RO60: variants seen among roughly 807,000 people sequenced by gnomAD.
RO60 encodes RNA-binding protein RO60.
RO60 carries 20 observed loss-of-function variants against 55.3 expected under a neutral mutation model. The ratio of observed to expected loss-of-function variants is 0.36; its 90% CI spans 0.25 to 0.53. RO60 has a LOEUF of 0.53. Among genes scored for constraint, RO60 ranks in the 20% least tolerant of loss-of-function variants. The pLI is 0.92. For synonymous variants in RO60, 213 were observed against 213.6 expected, an observed-to-expected ratio of 1.00 and a Z score of 0.02; for missense variants, 558 against 646.6, an observed-to-expected ratio of 0.86 and a Z score of 1.49.
intron 1 of RO60, among the ~76,000 whole-genome samples, chr1:193,060,515 A>G (rs1457005936): frequency 1.3e-5 from 2 of 152,172 alleles, no homozygotes; most frequent in Admixed American, 6.5e-5. Flanking sequence ...GCTTCCAGAA[A>G]AAAAAAATGT....
At position 193,076,795 on chromosome 1, in the gene RO60, A is replaced by G; in HGVS notation, c.949-118A>G. On this transcript the variant is annotated intron_variant, in intron 4 of 8. Transcript: ENST00000400968. ...TGGCTCTTAAGTGTAAGTTTAATAC[A>G]TTTTCATTTTTCTCTTTTCTATATG... is the stretch of plus-strand genomic sequence containing the variant. The G allele has an allele frequency of 3.0e-6, 4 of 1,341,132 alleles. No individual in the cohort carries two copies. In the South Asian group the frequency reaches 4.4e-5, roughly 15 times the overall value. 83.1% of individuals were successfully genotyped at this position (1,341,132 alleles called of 1,614,324 possible).
chr1:193,076,355 T>C, intron 3 of RO60, 146 bp from the exon 4 acceptor site: 1 of 814,260 alleles, frequency 1.2e-6, no homozygotes, highest in South Asian at 2.2e-5. Context: ...ATAAGCCTTT[T>C]ACTTAGACAT....
chr1:193,081,541 T>TTA, intron 6 of RO60, 61 bp downstream of exon 6: 1 of 839,524 alleles, frequency 1.2e-6, no homozygotes. Context: ...AGCAAAACTA[T>TTA]AAGATTAATA....
chr1:193,086,848 A>T lies in RO60; in HGVS notation c.*2117A>T, dbSNP rs1230151331. 1.3e-5 allele frequency: 2 copies of T among 152,176 alleles called. No homozygotes were observed. The highest frequency in any genetic ancestry group is 1.3e-4 in the Admixed American group (2 of 15,278). 9.4% of individuals were successfully genotyped at this position (152,176 alleles called of 1,614,324 possible). A position where few individuals can be genotyped will look rare whatever the true frequency, so the allele number is the denominator to read the frequency against. ...AGTAGGAGAAGCTACCACAGAAGGTAACTTTTCAAATCATGGCATATTTGA... is the reference window on the plus strand; with the variant it reads ...AGTAGGAGAAGCTACCACAGAAGGTTACTTTTCAAATCATGGCATATTTGA... On this transcript the variant is annotated 3_prime_UTR_variant, in exon 9 of 9. Coordinates refer to ENST00000400968, the MANE Select transcript of RO60 (RefSeq NM_001173524.2).
chr1:193,068,028 A>T (rs1673233611), intron 1 of RO60, among the ~76,000 whole-genome samples: 1 of 152,180 alleles, frequency 6.6e-6, no homozygotes, highest in Non-Finnish European at 1.5e-5. Context: ...ATCACTTGCA[A>T]ATGAAAATGT....
chr1:193,084,557 G>A lies in RO60; in HGVS notation c.1465-22G>A, dbSNP rs185594657. 5.1e-5 allele frequency: 82 copies of A among 1,597,970 alleles called. No homozygotes were observed. The East Asian group carries it at 1.4e-3, about 28-fold the overall frequency. ...TTCCTTACATTTATGTTTTTAATAT[G>A]TATTTTGGTCTTTTTCTACAGAAAA... On this transcript the variant is annotated intron_variant, in intron 8 of 8. Transcript: ENST00000400968.
intron 7 of RO60, 23 bp downstream of exon 7, chr1:193,082,322 TTTAC>T: frequency 6.6e-7 from 1 of 1,523,786 alleles, no homozygotes. Context: ...GTTTTTTAAG[TTTAC>T]TTAGTTAAGT....
At chr1:193,082,763 ATTTTTT>A in intron 8 of RO60, 55 bp downstream of exon 8, 14 of 1,149,646 alleles carry the variant, frequency 1.2e-5, no homozygotes, top group South Asian at 5.3e-5. Flanking sequence ...TTAATACTTG[ATTTTTT>A]TTTTTTTTTT....
At chr1:193,081,229 T>C (rs993621380) in intron 5 of RO60, 135 bp from the exon 6 acceptor site, 2 of 469,812 alleles carry the variant, frequency 4.3e-6, no homozygotes, top group African/African-American at 3.8e-5. Flanking sequence ...TTTTAAATAG[T>C]TGTCAATTGG....
At chr1:193,077,119 A>C in intron 5 of RO60, 69 bp downstream of exon 5, 1 of 1,431,764 alleles carries the variant, frequency 7.0e-7, no homozygotes, top group Non-Finnish European at 9.4e-7. Context: ...AATACATTTT[A>C]AAGGTAGTAT....
rs1227942278 is a variant in RO60 at position 193,069,440 on chromosome 1, T to C, written c.386T>C (p.Ile129Thr). Residue 129 changes from isoleucine to threonine, a missense_variant, in exon 2 of 9, where the codon ATC becomes ACC. Transcript: ENST00000400968. ...CRIPTHLFTF[I>T]QFKKDLKESM... ...ATTCCTACCCATCTCTTTACTTTTA[T>C]CCAGTTTAAGAAAGATCTGAAGGAA... is the stretch of plus-strand genomic sequence containing the variant. The C allele has an allele frequency of 1.9e-6, 3 of 1,614,110 alleles. No individual in the cohort carries two copies. Among genetic ancestry groups the C allele is most frequent in the Non-Finnish European group, 2.5e-6 (3 of 1,180,046 alleles).
intron 1 of RO60, among the ~76,000 whole-genome samples, chr1:193,066,144 T>C (rs1673090247): frequency 6.6e-6 from 1 of 152,216 alleles, no homozygotes; most frequent in South Asian, 2.1e-4. Context: ...AAATATCTCT[T>C]GCTGTCAGTA....
chr1:193,074,850 G>C (rs946249245), intron 2 of RO60, among the ~76,000 whole-genome samples: 2 of 152,072 alleles, frequency 1.3e-5, no homozygotes, highest in African/African-American at 4.8e-5. Context: ...TTTCTTCTAG[G>C]GCTTTTATGG....
Position 193,090,152 on chromosome 1 carries a change from A to G in RO60, c.*5421A>G, listed in dbSNP as rs2103091529. The G allele has an allele frequency of 6.6e-6, 1 of 152,300 alleles. No individual in the cohort carries two copies. Among genetic ancestry groups the G allele is most frequent in the South Asian group, 2.1e-4 (1 of 4,828 alleles). The allele number at this position is 152,300 out of a possible 1,614,324, so 9.4% of individuals were successfully genotyped here. A position where few individuals can be genotyped will look rare whatever the true frequency, so the allele number is the denominator to read the frequency against. ...AATTTATGCACTTTTAGATATCAGAATATATGCTTGAACAAAGGAAATAGT... is the reference window on the plus strand; with the variant it reads ...AATTTATGCACTTTTAGATATCAGAGTATATGCTTGAACAAAGGAAATAGT... On this transcript the variant is annotated 3_prime_UTR_variant, in exon 9 of 9. Transcript: ENST00000400968.
chr1:193,079,237 G>A (rs1041335712), intron 5 of RO60, among the ~76,000 whole-genome samples: 1 of 151,934 alleles, frequency 6.6e-6, no homozygotes, highest in East Asian at 1.9e-4. Flanking sequence ...ACAGGCATGC[G>A]CCACCACACT....
At chr1:193,078,157 A>G (rs540839179) in intron 5 of RO60, among the ~76,000 whole-genome samples, 5 of 152,354 alleles carry the variant, frequency 3.3e-5, no homozygotes, top group African/African-American at 9.6e-5. Context: ...CAAAAACCAC[A>G]TAATCATCTT....
chr1:193,066,672 T>C (rs1037802753), intron 1 of RO60, among the ~76,000 whole-genome samples: 10 of 152,228 alleles, frequency 6.6e-5, no homozygotes, highest in Non-Finnish European at 1.3e-4. Context: ...ATGGTTAATA[T>C]TCACCAAGAT....
chr1:193,087,991 T>C lies in RO60; in HGVS notation c.*3260T>C, dbSNP rs1389527705. 1 of 151,742 alleles carries C rather than the reference T, an allele frequency of 6.6e-6. No homozygotes were observed. The highest frequency in any genetic ancestry group is 2.4e-5 in the African/African-American group (1 of 41,250). 9.4% of individuals were successfully genotyped at this position (151,742 alleles called of 1,614,324 possible). On this transcript the variant is annotated 3_prime_UTR_variant, in exon 9 of 9. Coordinates refer to ENST00000400968, the MANE Select transcript of RO60 (RefSeq NM_001173524.2). ...CTTGGACAGACCTAGAAAAACAAGCTTATACTCTGAGGAAATGCTGTTAAC... is the reference window on the plus strand; with the variant it reads ...CTTGGACAGACCTAGAAAAACAAGCCTATACTCTGAGGAAATGCTGTTAAC...
At chr1:193,073,424 C>T (rs557055756) in intron 2 of RO60, among the ~76,000 whole-genome samples, 6 of 152,240 alleles carry the variant, frequency 3.9e-5, no homozygotes, top group African/African-American at 7.2e-5. Flanking sequence ...CTTTAAAAAT[C>T]GACATAAAAA....
Sources: allele counts gnomAD v4.1 joint callset (sites outside exome capture counted in the v4.1 genomes callset), GRCh38; gene constraint gnomAD v4.1.1; transcripts MANE v1.5; gene names NCBI Gene and HGNC (gene_info 2026-07-23, HGNC 2026-07-21).